CPM: variants seen among roughly 807,000 people sequenced by gnomAD.
The protein encoded by CPM is renal carboxypeptidase.
In CPM, 35 loss-of-function variants were observed where a neutral mutation model predicts 46.4. The ratio of observed to expected loss-of-function variants is 0.75; its 90% confidence interval spans 0.58 to 1.00. CPM has a LOEUF of 1.00. CPM is among the 50% of genes least tolerant of loss of function. The pLI, the probability that CPM is intolerant of heterozygous loss-of-function variation, is 0.00. For synonymous variants in CPM, 195 were observed against 195.3 expected, an observed-to-expected ratio of 1.00 and a Z score of 0.01; for missense variants, 422 against 530.4, an observed-to-expected ratio of 0.80 and a Z score of 2.01.
chr12:68,883,165 C>T (rs1442091036), intron 3 of CPM, among the ~76,000 whole-genome samples: 1 of 152,192 alleles, frequency 6.6e-6, no homozygotes, highest in Non-Finnish European at 1.5e-5. Context: ...TCCACAGACC[C>T]TGAAGTCAGG....
At chr12:68,863,077 G>T (rs1885279489) in intron 7 of CPM, among the ~76,000 whole-genome samples, 1 of 152,192 alleles carries the variant, frequency 6.6e-6, no homozygotes, top group Admixed American at 6.5e-5. Flanking sequence ...TCGGAGCTGG[G>T]ACAGTACTTA....
intron 1 of CPM, among the ~76,000 whole-genome samples, chr12:68,941,359 A>G (rs927001642): frequency 6.6e-6 from 1 of 152,060 alleles, no homozygotes. Context: ...CTTATTTTAC[A>G]TTATTTTGTT....
chr12:68,873,781 T>C (rs1284379720), intron 3 of CPM, among the ~76,000 whole-genome samples: 1 of 152,024 alleles, frequency 6.6e-6, no homozygotes, highest in African/African-American at 2.4e-5. Context: ...CAACTTTTTT[T>C]CCTACTCATT....
intron 2 of CPM, among the ~76,000 whole-genome samples, chr12:68,917,884 C>G (rs7302566): frequency 0.064 from 9,798 of 152,224 alleles, 636 homozygotes; most frequent in African/African-American, 0.16. Flanking sequence ...CTGCAGTTTA[C>G]AGCTGGAGAG....
intron 1 of CPM, among the ~76,000 whole-genome samples, chr12:68,949,751 G>A (rs769953923): frequency 8.5e-5 from 13 of 152,218 alleles, no homozygotes; most frequent in Non-Finnish European, 1.8e-4. Flanking sequence ...AGCGAACACA[G>A]TTGAGGTACA....
In CPM at chr12:68,851,788, T is replaced by C. The variant is rs970164970; in HGVS notation, c.*4649A>G. 6.6e-6 allele frequency: 1 copy of C among 152,176 alleles called. No homozygotes were observed. Among genetic ancestry groups the C allele is most frequent in the Non-Finnish European group, 1.5e-5 (1 of 68,038 alleles). 9.4% of individuals were successfully genotyped at this position (152,176 alleles called of 1,614,324 possible). A position where few individuals can be genotyped will look rare whatever the true frequency, so the allele number is the denominator to read the frequency against. ...GTAAAGTCTATAACAAACCCAAACT[T>C]CTACTTTAGCTACAGTACTGTGGAC... On this transcript the variant is annotated 3_prime_UTR_variant, in exon 9 of 9. Coordinates refer to ENST00000551568, the MANE Select transcript of CPM (RefSeq NM_198320.5).
intron 2 of CPM, among the ~76,000 whole-genome samples, chr12:68,908,057 G>A (rs1887428280): frequency 6.6e-6 from 1 of 152,120 alleles, no homozygotes; most frequent in African/African-American, 2.4e-5. Context: ...ATGAACTCCT[G>A]ACAGGTGATT....
intron 3 of CPM, among the ~76,000 whole-genome samples, chr12:68,883,613 A>G (rs939366576): frequency 6.6e-6 from 1 of 152,284 alleles, no homozygotes; most frequent in East Asian, 1.9e-4. Context: ...AGACAACAAG[A>G]TGCCAGAAAT....
Position 68,856,289 on chromosome 12 carries a change from G to A in CPM, c.*148C>T. On this transcript the variant is annotated 3_prime_UTR_variant, in exon 9 of 9. Coordinates refer to ENST00000551568, the MANE Select transcript of CPM (RefSeq NM_198320.5). ...TTATCACCACATATTGCTTATTGTG[G>A]AATTTGGAAACATCCATTTCTCTTC... 1 of 893,958 alleles carries A rather than the reference G, an allele frequency of 1.1e-6. No individual in the cohort carries two copies. The highest frequency in any genetic ancestry group is 1.7e-6 in the Non-Finnish European group (1 of 585,708). 55.4% of individuals were successfully genotyped at this position (893,958 alleles called of 1,614,324 possible).
downstream of CPM, chr12:68,847,215 T>TATATATA (rs1884379295): frequency 1.4e-5 from 2 of 139,526 alleles, no homozygotes; most frequent in African/African-American, 5.6e-5. Context: ...TATATATACT[T>TATATATA]TTTTTAGAGG....
At chr12:68,890,047 A>T (rs981148568) in intron 2 of CPM, among the ~76,000 whole-genome samples, 3 of 152,020 alleles carry the variant, frequency 2.0e-5, no homozygotes, top group Non-Finnish European at 4.4e-5. Context: ...GGTGCTCATT[A>T]AAACAGCATG....
intron 2 of CPM, among the ~76,000 whole-genome samples, chr12:68,925,491 A>G (rs1349715251): frequency 6.6e-6 from 1 of 152,240 alleles, no homozygotes; most frequent in Non-Finnish European, 1.5e-5. Flanking sequence ...GCGAAAGTTT[A>G]GAAACAAACT....
At chr12:68,908,190 C>T (rs1441871896) in intron 2 of CPM, among the ~76,000 whole-genome samples, 1 of 152,114 alleles carries the variant, frequency 6.6e-6, no homozygotes, top group Non-Finnish European at 1.5e-5. Context: ...ATTAAAAATT[C>T]CATTACAAGT....
chr12:68,847,951 G>A (rs977128277), downstream of CPM: 1 of 152,312 alleles, frequency 6.6e-6, no homozygotes, highest in African/African-American at 2.4e-5. Flanking sequence ...GATCACTTGA[G>A]GCCAGGAGTT....
rs1022013176 is a variant in CPM at position 68,880,963 on chromosome 12, G to A, written c.258+4829C>T. Among the ~76,000 whole-genome samples, 5 of 152,320 alleles carry A rather than the reference G, an allele frequency of 3.3e-5. No individual in the cohort carries two copies. In the East Asian group the frequency reaches 9.6e-4, roughly 29 times the overall value. On this transcript the variant is annotated intron_variant, in intron 3 of 8. Coordinates refer to ENST00000551568, the MANE Select transcript of CPM (RefSeq NM_198320.5). ...TACAGTATGAGCCATGATCCTAGTAGAACAATGACCTTTGCAAGAATAAGA... is the reference window on the plus strand; with the variant it reads ...TACAGTATGAGCCATGATCCTAGTAAAACAATGACCTTTGCAAGAATAAGA...
At chr12:68,946,333 G>T (rs1043936445) in intron 1 of CPM, among the ~76,000 whole-genome samples, 2 of 152,050 alleles carry the variant, frequency 1.3e-5, no homozygotes, top group African/African-American at 4.8e-5. Context: ...AACATAACAT[G>T]AATAATTATT....
intron 7 of CPM, among the ~76,000 whole-genome samples, chr12:68,866,635 C>T (rs562865533): frequency 3.3e-4 from 51 of 152,288 alleles, no homozygotes; most frequent in African/African-American, 1.2e-3. Context: ...TGAGCCACCA[C>T]GACCACCTGG....
intron 1 of CPM, among the ~76,000 whole-genome samples, chr12:68,954,033 T>C (rs1440263564): frequency 6.6e-6 from 1 of 152,196 alleles, no homozygotes; most frequent in Non-Finnish European, 1.5e-5. Context: ...CTTTTATTAG[T>C]TATTCCTTCA....
chr12:68,886,614 A>G (rs2136253934), intron 2 of CPM, among the ~76,000 whole-genome samples: 1 of 152,376 alleles, frequency 6.6e-6, no homozygotes. Flanking sequence ...CCCTGGCGAC[A>G]GAGCGAGACT....
Sources: allele counts gnomAD v4.1 joint callset (sites outside exome capture counted in the v4.1 genomes callset), GRCh38; gene constraint gnomAD v4.1.1; transcripts MANE v1.5; gene names NCBI Gene and HGNC (gene_info 2026-07-23, HGNC 2026-07-21).